IMMP1L: variants seen among roughly 807,000 people sequenced by gnomAD.
IMMP1L encodes the protein inner mitochondrial membrane peptidase subunit 1.
In IMMP1L, 24 loss-of-function variants were observed where a neutral mutation model predicts 21.8. That is an observed-to-expected ratio of 1.10 (90% CI 0.80 to 1.55). The LOEUF (loss-of-function observed/expected upper bound fraction) is 1.55, where lower values mean the gene tolerates loss of function less well. IMMP1L is among the 40% of genes most tolerant of loss of function. The pLI, the probability that IMMP1L is intolerant of heterozygous loss-of-function variation, is 0.00. For synonymous variants in IMMP1L, 46 were observed against 62.8 expected, an observed-to-expected ratio of 0.73 and a Z score of 1.26; for missense variants, 195 against 200.7, an observed-to-expected ratio of 0.97 and a Z score of 0.17.
At chr11:31,446,210 C>G (rs545918400) in intron 4 of IMMP1L, among the ~76,000 whole-genome samples, 1 of 152,164 alleles carries the variant, frequency 6.6e-6, no homozygotes, top group Admixed American at 6.5e-5. Context: ...AGCATCCAAT[C>G]TTCTCTAGAT....
chr11:31,435,710 T>G (rs962262226), intron 4 of IMMP1L, among the ~76,000 whole-genome samples: 1 of 152,198 alleles, frequency 6.6e-6, no homozygotes, highest in Non-Finnish European at 1.5e-5. Context: ...TCTCCTTTTT[T>G]TCCCTCATTT....
chr11:31,477,099 T>C (rs1954752959), intron 1 of IMMP1L: 1 of 152,086 alleles, frequency 6.6e-6, no homozygotes, highest in Non-Finnish European at 1.5e-5. Context: ...ACAAAAAATA[T>C]AGGTGTCTAT....
chr11:31,461,289 T>C (rs1954130771), intron 2 of IMMP1L, among the ~76,000 whole-genome samples: 1 of 152,170 alleles, frequency 6.6e-6, no homozygotes, highest in Admixed American at 6.5e-5. Flanking sequence ...CATGATGAGA[T>C]GGACTTTAAA....
At chr11:31,486,427 A>G (rs1046744202) in intron 1 of IMMP1L, among the ~76,000 whole-genome samples, 2 of 151,988 alleles carry the variant, frequency 1.3e-5, no homozygotes, top group African/African-American at 4.8e-5. Flanking sequence ...TAGGTCCTGT[A>G]TCTACATCAA....
intron 4 of IMMP1L, among the ~76,000 whole-genome samples, chr11:31,440,661 G>T (rs1953293900): frequency 6.6e-6 from 1 of 152,198 alleles, no homozygotes; most frequent in South Asian, 2.1e-4. Context: ...CAAGTATTGG[G>T]ATTACAGTCG....
At chr11:31,435,212 TA>T (rs1357754780) in intron 4 of IMMP1L, among the ~76,000 whole-genome samples, 7 of 152,160 alleles carry the variant, frequency 4.6e-5, no homozygotes, top group African/African-American at 1.7e-4. Flanking sequence ...AATCTAGGGA[TA>T]TCTTTGTCTG....
At chr11:31,453,061 A>C (rs1399387969) in intron 4 of IMMP1L, 6 of 1,289,052 alleles carry the variant, frequency 4.7e-6, no homozygotes, top group Middle Eastern at 2.1e-4. Flanking sequence ...CAGCAACAGC[A>C]TCTTAATAGG....
intron 1 of IMMP1L, among the ~76,000 whole-genome samples, chr11:31,502,227 G>A (rs1252477597): frequency 2.0e-5 from 3 of 152,092 alleles, no homozygotes; most frequent in African/African-American, 7.2e-5. Context: ...TAATAATAAA[G>A]TTTCCTACGA....
At chr11:31,490,761 C>T (rs979180434) in intron 1 of IMMP1L, among the ~76,000 whole-genome samples, 1 of 152,070 alleles carries the variant, frequency 6.6e-6, no homozygotes, top group Non-Finnish European at 1.5e-5. Context: ...TCATCTGGAA[C>T]CTCAGAACAT....
chr11:31,438,611 A>G (rs1953204790), intron 4 of IMMP1L, among the ~76,000 whole-genome samples: 1 of 152,160 alleles, frequency 6.6e-6, no homozygotes, highest in African/African-American at 2.4e-5. Context: ...ATTATACTAT[A>G]TTCTACAAAT....
chr11:31,488,145 A>C (rs955237798), intron 1 of IMMP1L: 9 of 152,146 alleles, frequency 5.9e-5, no homozygotes, highest in African/African-American at 2.2e-4. Context: ...CTGTTCTACA[A>C]TTCATTCAAT....
chr11:31,464,233 A>G (rs998930144), intron 1 of IMMP1L, among the ~76,000 whole-genome samples: 4 of 152,102 alleles, frequency 2.6e-5, no homozygotes, highest in Admixed American at 6.5e-5. Context: ...AGAAAAAAAA[A>G]GCCTAAGAGT....
In IMMP1L at chr11:31,455,691, T is replaced by G. The variant is rs369623005; in HGVS notation, c.321+569A>C. ...CAATCAATGACAGGGCCTCAATCTTTCCATGTTTTTTATGACCTTGACATT... is the reference window on the plus strand; with the variant it reads ...CAATCAATGACAGGGCCTCAATCTTGCCATGTTTTTTATGACCTTGACATT... On this transcript the variant is annotated intron_variant, in intron 4 of 5. Coordinates refer to ENST00000532287, the MANE Select transcript of IMMP1L (RefSeq NM_001304274.2). 7.2e-5 allele frequency among the ~76,000 whole-genome samples: 11 copies of G among 152,286 alleles called. No homozygotes were observed. The East Asian group carries it at 2.1e-3, about 29-fold the overall frequency.
chr11:31,463,301 T>C lies in IMMP1L; in HGVS notation c.-25A>G, dbSNP rs1389517592. 3.2e-6 allele frequency: 5 copies of C among 1,574,562 alleles called. No individual in the cohort carries two copies. Among genetic ancestry groups the C allele is most frequent in the Non-Finnish European group, 4.3e-6 (5 of 1,167,540 alleles). ...TAGTTCTATGTAGACTCTGCCACCA[T>C]TGGCCTGATGGTAAATTTCAAAAAG... is the stretch of plus-strand genomic sequence containing the variant. On this transcript the variant is annotated 5_prime_UTR_variant, in exon 2 of 6. The change abolishes an upstream ATG in the 5' untranslated region. Coordinates refer to ENST00000532287, the MANE Select transcript of IMMP1L (RefSeq NM_001304274.2).
intron 4 of IMMP1L, chr11:31,437,102 C>A: frequency 2.3e-6 from 1 of 437,152 alleles, no homozygotes; most frequent in African/African-American, 2.0e-5. Flanking sequence ...AAGCAGGCAT[C>A]TTTGCTGATC....
intron 1 of IMMP1L, among the ~76,000 whole-genome samples, chr11:31,502,376 A>G (rs1188007285): frequency 1.3e-5 from 2 of 152,198 alleles, no homozygotes; most frequent in African/African-American, 4.8e-5. Flanking sequence ...CTTTCATTTT[A>G]TCCTGCAAGA....
intron 4 of IMMP1L, among the ~76,000 whole-genome samples, chr11:31,444,404 C>A (rs2133576792): frequency 6.6e-6 from 1 of 152,188 alleles, no homozygotes; most frequent in African/African-American, 2.4e-5. Context: ...TGGTTATTTT[C>A]TTTTACACTA....
intron 4 of IMMP1L, chr11:31,452,302 C>A: frequency 1.0e-6 from 1 of 983,692 alleles, no homozygotes; most frequent in Non-Finnish European, 1.2e-6. Context: ...TGGATTATCA[C>A]ACAATATTAT....
chr11:31,486,166 T>C (rs1375692136), intron 1 of IMMP1L, among the ~76,000 whole-genome samples: 5 of 151,832 alleles, frequency 3.3e-5, no homozygotes, highest in Non-Finnish European at 7.4e-5. Context: ...GCAAGCTATT[T>C]AGGCATATTT....
Sources: allele counts gnomAD v4.1 joint callset (sites outside exome capture counted in the v4.1 genomes callset), GRCh38; gene constraint gnomAD v4.1.1; transcripts MANE v1.5; gene names NCBI Gene and HGNC (gene_info 2026-07-23, HGNC 2026-07-21).